Variants in SULF1 observed in about 807,000 individuals in gnomAD.
SULF1 encodes sulfatase 1, also known as extracellular sulfatase Sulf-1.
A neutral mutation model predicts 110.5 loss-of-function variants in SULF1; 46 were observed. The ratio of observed to expected loss-of-function variants is 0.42; its 90% CI spans 0.33 to 0.53. The LOEUF (loss-of-function observed/expected upper bound fraction) is 0.53. Ranked by LOEUF, SULF1 falls within the 20% of genes least tolerant of loss-of-function variation. The pLI is 0.12. For synonymous variants in SULF1, 371 were observed against 387.1 expected (o/e 0.96, Z 0.49); for missense variants, 941 against 1,094.2 (o/e 0.86, Z 1.98).
At chr8:69,633,810 T>A (rs1810770342) in intron 19 of SULF1, among the ~76,000 whole-genome samples, 1 of 152,194 alleles carries the variant, frequency 6.6e-6, no homozygotes, top group Non-Finnish European at 1.5e-5. Context: ...CACCATTAAC[T>A]AGGCAGTCAT....
At chr8:69,623,218 T>C (rs1809752914) in intron 14 of SULF1, among the ~76,000 whole-genome samples, 1 of 150,230 alleles carries the variant, frequency 6.7e-6, no homozygotes, top group Admixed American at 6.6e-5. Flanking sequence ...AAAATTTAAT[T>C]CTTCTTAGAG....
At chr8:69,617,435 G>GT (rs56346127) in intron 13 of SULF1, among the ~76,000 whole-genome samples, 10 of 57,294 alleles carry the variant, frequency 1.7e-4, no homozygotes, top group East Asian at 1.1e-3. Context: ...ATATATATAT[G>GT]TTTTTTTTTT....
At position 69,620,306 on chromosome 8, in the gene SULF1, T is replaced by A. The variant is rs182763146; in HGVS notation, c.1378-729T>A. ...TTTCAGGGTTTATATGGGCACAGGA[T>A]AGGTGGCATGGCAGGCCAAAAACAA... On this transcript the variant is annotated intron_variant, in intron 13 of 22. Transcript: ENST00000402687. 1.8e-4 allele frequency among the ~76,000 whole-genome samples: 27 copies of A among 152,278 alleles called. 1 individual carries two copies. Among genetic ancestry groups the A allele is most frequent in the Admixed American group, 1.5e-3 (23 of 15,294 alleles).
chr8:69,604,722 TA>T (rs370371308), intron 12 of SULF1, 80 bp from the exon 13 acceptor site: 37,738 of 1,108,750 alleles, frequency 0.034, 1 homozygote, highest in South Asian at 0.041. Flanking sequence ...TGTGACAGGG[TA>T]AAAAAAAAAA....
At chr8:69,576,850 T>G (rs1805643728) in intron 6 of SULF1, among the ~76,000 whole-genome samples, 1 of 152,204 alleles carries the variant, frequency 6.6e-6, no homozygotes, top group Non-Finnish European at 1.5e-5. Context: ...TTTTCCAGAA[T>G]CACCTAGGCT....
chr8:69,629,449 T>C, intron 18 of SULF1, 55 bp from the exon 19 acceptor site: 2 of 1,534,814 alleles, frequency 1.3e-6, no homozygotes, highest in Non-Finnish European at 1.8e-6. Context: ...CAAGCCTATT[T>C]GTAATTGAGA....
chr8:69,533,033 A>G (rs1813200487), intron 3 of SULF1, among the ~76,000 whole-genome samples: 1 of 152,242 alleles, frequency 6.6e-6, no homozygotes, highest in African/African-American at 2.4e-5. Context: ...GTATGGCCAC[A>G]TGATCAAGAA....
intron 8 of SULF1, among the ~76,000 whole-genome samples, chr8:69,592,351 C>T (rs1328085581): frequency 6.6e-6 from 1 of 152,132 alleles, no homozygotes; most frequent in Admixed American, 6.5e-5. Context: ...CAGAGAGTCA[C>T]TGGAGGTTGG....
intron 3 of SULF1, among the ~76,000 whole-genome samples, chr8:69,533,555 C>T (rs946510713): frequency 6.6e-6 from 1 of 152,140 alleles, no homozygotes; most frequent in African/African-American, 2.4e-5. Flanking sequence ...CTTCCAGCTC[C>T]ATCCGTGTCC....
chr8:69,478,441 C>T (rs1809391419), intron 1 of SULF1, among the ~76,000 whole-genome samples: 3 of 152,140 alleles, frequency 2.0e-5, no homozygotes, highest in Non-Finnish European at 2.9e-5. Context: ...TCCCACTCCC[C>T]CTATACACTT....
At chr8:69,503,979 T>C (rs1810989884) in intron 3 of SULF1, among the ~76,000 whole-genome samples, 1 of 152,026 alleles carries the variant, frequency 6.6e-6, no homozygotes, top group Non-Finnish European at 1.5e-5. Context: ...TTTGTATTTT[T>C]AGTAGAGACA....
At chr8:69,537,081 G>A (rs1221847874) in intron 3 of SULF1, among the ~76,000 whole-genome samples, 2 of 152,190 alleles carry the variant, frequency 1.3e-5, no homozygotes, top group Non-Finnish European at 2.9e-5. Context: ...TATACTCTGT[G>A]CCCAGCAAAC....
At chr8:69,473,650 C>A (rs1043868019) in intron 1 of SULF1, among the ~76,000 whole-genome samples, 1 of 152,174 alleles carries the variant, frequency 6.6e-6, no homozygotes, top group Non-Finnish European at 1.5e-5. Flanking sequence ...TATCCAATCA[C>A]ATTATACCAT....
upstream of SULF1, among the ~76,000 whole-genome samples, chr8:69,490,315 C>T (rs547302023): frequency 6.6e-6 from 1 of 152,152 alleles, no homozygotes; most frequent in South Asian, 2.1e-4. Flanking sequence ...GTTGCCCATG[C>T]TAGTCTCGAA....
At chr8:69,476,702 G>A (rs1453091947) in intron 1 of SULF1, among the ~76,000 whole-genome samples, 2 of 152,270 alleles carry the variant, frequency 1.3e-5, no homozygotes, top group African/African-American at 2.4e-5. Flanking sequence ...TGGAAGAAAC[G>A]CCAGCCTAAG....
rs112972904 is a variant in SULF1, at chr8:69,575,725, A to AT, written c.173-236dup. 1.3e-3 allele frequency among the ~76,000 whole-genome samples: 201 copies of AT among 150,056 alleles called. 3 individuals carry two copies. Among genetic ancestry groups the AT allele is most frequent in the Non-Finnish European group, 2.8e-4 (19 of 67,410 alleles). On this transcript the variant is annotated intron_variant, in intron 5 of 22. Transcript: ENST00000402687. ...AGCTTTAATTATCAGATTAGCCTGCATTTTTTTTTCTTCGTGATTACAGGG... is the reference window on the plus strand; with the variant it reads ...AGCTTTAATTATCAGATTAGCCTGCATTTTTTTTTTCTTCGTGATTACAGGG...
intron 3 of SULF1, among the ~76,000 whole-genome samples, chr8:69,553,260 A>T (rs1992401): frequency 0.21 from 31,369 of 152,162 alleles, 3,388 homozygotes; most frequent in African/African-American, 0.27. Flanking sequence ...ATTTACATTT[A>T]TCCTTTCGTG....
intron 14 of SULF1, among the ~76,000 whole-genome samples, chr8:69,622,082 C>T (rs7003703): frequency 0.77 from 117,753 of 152,266 alleles, 45,921 homozygotes; most frequent in African/African-American, 0.86. Context: ...ATATGGGCTT[C>T]AGGGCCATGC....
intron 13 of SULF1, among the ~76,000 whole-genome samples, chr8:69,614,796 T>C (rs928625911): frequency 1.3e-5 from 2 of 152,210 alleles, no homozygotes; most frequent in Non-Finnish European, 2.9e-5. Context: ...TGAAAGAAAA[T>C]TATAACAACT....
Sources: gnomAD v4.1 joint callset for allele counts (sites outside exome capture counted in the v4.1 genomes callset) on GRCh38, gnomAD v4.1.1 for gene constraint, MANE v1.5 for transcripts, NCBI Gene and HGNC (gene_info 2026-07-23, HGNC 2026-07-21) for gene names.